The following WDFY4 variants were observed in gnomAD, a reference collection of about 807,000 sequenced individuals.
WDFY4 encodes WD repeat- and FYVE domain-containing protein 4.
WDFY4 carries 169 observed loss-of-function variants against 351.9 expected under a neutral mutation model. The observed-to-expected ratio is 0.48, with a 90% CI of 0.42 to 0.55. The LOEUF (loss-of-function observed/expected upper bound fraction) is 0.55, where lower values mean the gene tolerates loss of function less well. Among genes scored for constraint, WDFY4 ranks in the 20% least tolerant of loss-of-function variants. The pLI, the probability that WDFY4 is intolerant of heterozygous loss-of-function variation, is 0.00. For missense variants in WDFY4, 3,803 were observed against 3,935.6 expected (o/e 0.97, Z 0.90); for synonymous variants, 1,622 against 1,574.6 (o/e 1.03, Z -0.71).
chr10:48,926,977 A>T (rs1401761165), intron 47 of WDFY4, among the ~76,000 whole-genome samples: 1 of 152,138 alleles, frequency 6.6e-6, no homozygotes, highest in Non-Finnish European at 1.5e-5. Flanking sequence ...CAGGATTTTC[A>T]TGTAGCATTG....
intron 39 of WDFY4, among the ~76,000 whole-genome samples, chr10:48,854,064 G>A (rs993311320): frequency 2.0e-5 from 3 of 152,046 alleles, no homozygotes; most frequent in Non-Finnish European, 2.9e-5. Flanking sequence ...CAAACTCATA[G>A]AGCATTTTCT....
chr10:48,792,826 G>A (rs986603944), intron 23 of WDFY4, among the ~76,000 whole-genome samples: 1 of 152,220 alleles, frequency 6.6e-6, no homozygotes, highest in Non-Finnish European at 1.5e-5. Context: ...TTCTCAGAAA[G>A]CTCAGACTAC....
chr10:48,930,405 A>G lies in WDFY4; in HGVS notation c.7587-11401A>G, dbSNP rs193162256. 9.2e-4 allele frequency among the ~76,000 whole-genome samples: 140 copies of G among 152,342 alleles called. 3 individuals carry two copies. The East Asian group carries it at 0.02, about 22-fold the overall frequency. On this transcript the variant is annotated intron_variant, in intron 47 of 61. Coordinates refer to ENST00000325239, the MANE Select transcript of WDFY4 (RefSeq NM_001394531.1). ...AATGCTTTCCAAATAGACACAGATG[A>G]TGGCACGACGGATTGTTTGACCATG...
In WDFY4 at chr10:48,743,149, C is replaced by T; in HGVS notation, c.2060C>T (p.Ala687Val). The change falls in exon 12 of 62, where the codon GCT (alanine) becomes GTT (valine). Residue 687 changes from alanine (A) to valine (V), a missense_variant. This residue lies in a region of WDFY4 where 3,054 missense variants were observed against 3,148.6 expected (regional missense o/e 0.97). Transcript: ENST00000325239. ...GAGCTGGTTTTGTACACTCTCTGTG[C>T]TGTGTCCGCAGCGCTGCACTGGGAC... ...TLELVLYTLCAVSAALHWDPV... is the reference protein window; with the variant it reads ...TLELVLYTLCVVSAALHWDPV... 3 of 1,551,730 alleles carry T rather than the reference C, an allele frequency of 1.9e-6. No individual in the cohort carries two copies. The highest frequency in any genetic ancestry group is 1.2e-5 in the South Asian group (1 of 84,060).
intron 39 of WDFY4, among the ~76,000 whole-genome samples, chr10:48,863,071 C>CA (rs1296886598): frequency 6.6e-6 from 1 of 151,322 alleles, no homozygotes; most frequent in Non-Finnish European, 1.5e-5. Context: ...ATCATATAGA[C>CA]AGACCATATT....
At chr10:48,709,998 G>T in intron 2 of WDFY4, 32 bp downstream of exon 2, 1 of 1,520,878 alleles carries the variant, frequency 6.6e-7, no homozygotes, top group African/African-American at 1.4e-5. Context: ...ACTGTAAGGT[G>T]ATAGGCGCTC....
chr10:48,877,057 A>C lies in WDFY4; in HGVS notation c.7025A>C (p.Glu2342Ala). The change falls in exon 43 of 62, where the codon GAG (glutamate) becomes GCG (alanine). Residue 2342 changes from glutamate (E) to alanine (A), a missense_variant. Glu to Ala is a moderately radical substitution (Grantham distance 107). Transcript: ENST00000325239. ...NQDELTLREA[E>A]GEPDEVGVDC... ...GATGAACTGACACTGAGGGAGGCTGAGGGCGAGCCGGACGAGGTGGGGGTG... is the reference window on the plus strand; with the variant it reads ...GATGAACTGACACTGAGGGAGGCTGCGGGCGAGCCGGACGAGGTGGGGGTG... 6.6e-7 allele frequency: 1 copy of C among 1,507,476 alleles called. No individual in the cohort carries two copies. The allele number at this position is 1,507,476 out of a possible 1,614,324, so 93.4% of individuals were successfully genotyped here.
At chr10:48,719,767 T>G (rs2064018857) in intron 2 of WDFY4, among the ~76,000 whole-genome samples, 1 of 152,194 alleles carries the variant, frequency 6.6e-6, no homozygotes, top group Non-Finnish European at 1.5e-5. Context: ...GACTGGGCTC[T>G]GTGTGTTTGA....
rs529566191 is a variant in WDFY4, at chr10:48,906,095, A to G, written c.7586+4232A>G. Among the ~76,000 whole-genome samples the G allele has an allele frequency of 3.2e-3, 495 of 152,342 alleles. 3 individuals are homozygous for G. Among genetic ancestry groups the G allele is most frequent in the African/African-American group, 0.011 (441 of 41,574 alleles). On this transcript the variant is annotated intron_variant, in intron 47 of 61. Coordinates refer to ENST00000325239, the MANE Select transcript of WDFY4 (RefSeq NM_001394531.1). ...TTTTTCTTTTGGATCACTGGAGGCA[A>G]TAATCATAGAATGAGTCTTGAAAAA...
At chr10:48,701,260 T>C (rs1368532454) in intron 1 of WDFY4, among the ~76,000 whole-genome samples, 1 of 152,244 alleles carries the variant, frequency 6.6e-6, no homozygotes, top group Non-Finnish European at 1.5e-5. Context: ...GCCAGAATTG[T>C]CTTCCTTTTA....
intron 39 of WDFY4, among the ~76,000 whole-genome samples, chr10:48,857,190 A>G (rs1484080842): frequency 1.3e-5 from 2 of 152,134 alleles, no homozygotes; most frequent in Non-Finnish European, 2.9e-5. Context: ...TGAGACAACC[A>G]TCACATTTTT....
At chr10:48,790,961 T>C in intron 23 of WDFY4, 44 bp downstream of exon 23, 1 of 1,545,254 alleles carries the variant, frequency 6.5e-7, no homozygotes, top group Non-Finnish European at 8.8e-7. Context: ...CTGAAAGGGC[T>C]GTCATCCCTG....
chr10:48,946,788 G>T, intron 50 of WDFY4, 72 bp from the exon 51 acceptor site: 8 of 1,117,020 alleles, frequency 7.2e-6, no homozygotes, highest in Non-Finnish European at 1.1e-5. Context: ...CATGAACACA[G>T]TGTAGCACAC....
intron 47 of WDFY4, chr10:48,913,698 T>A (rs1313108140): frequency 6.2e-7 from 1 of 1,612,798 alleles, no homozygotes; most frequent in Non-Finnish European, 8.5e-7. Context: ...CAGTAGGTTG[T>A]CATGGAGCCC....
At chr10:48,937,146 G>A (rs1840431393) in intron 47 of WDFY4, among the ~76,000 whole-genome samples, 1 of 151,972 alleles carries the variant, frequency 6.6e-6, no homozygotes, top group African/African-American at 2.4e-5. Context: ...CGCCCACCTC[G>A]GCCTCCCAGA....
At chr10:48,838,336 T>TA (rs2068477682) in intron 39 of WDFY4, among the ~76,000 whole-genome samples, 1 of 152,114 alleles carries the variant, frequency 6.6e-6, no homozygotes, top group Non-Finnish European at 1.5e-5. Context: ...GCAGGGCACT[T>TA]ATGTGGGCAG....
intron 47 of WDFY4, among the ~76,000 whole-genome samples, chr10:48,904,391 T>G (rs1837510392): frequency 6.6e-6 from 1 of 152,240 alleles, no homozygotes; most frequent in African/African-American, 2.4e-5. Context: ...TGTTCATACT[T>G]GGATTTCTCA....
chr10:48,795,291 C>T (rs1471113597), intron 23 of WDFY4, among the ~76,000 whole-genome samples: 2 of 151,614 alleles, frequency 1.3e-5, no homozygotes, highest in Non-Finnish European at 2.9e-5. Context: ...AGAGGAGAAG[C>T]AATGAAACCA....
intron 37 of WDFY4, 114 bp from the exon 38 acceptor site, chr10:48,830,586 A>G: frequency 8.3e-7 from 1 of 1,204,006 alleles, no homozygotes; most frequent in Non-Finnish European, 1.2e-6. Flanking sequence ...GGTGATGTTC[A>G]AGACCTTAAG....
Sources: allele counts gnomAD v4.1 joint callset (sites outside exome capture counted in the v4.1 genomes callset), GRCh38; gene constraint gnomAD v4.1.1; regional missense constraint gnomAD v4.1.1; transcripts MANE v1.5; gene names NCBI Gene and HGNC (gene_info 2026-07-23, HGNC 2026-07-21).